The following TSBP1 variants were observed in gnomAD, a reference collection of about 807,000 sequenced individuals.
TSBP1 encodes testis-expressed basic protein 1.
A neutral mutation model predicts 68.8 loss-of-function variants in TSBP1; 56 were observed. The ratio of observed to expected loss-of-function variants is 0.81; its 90% CI spans 0.66 to 1.02. The LOEUF (loss-of-function observed/expected upper bound fraction) is 1.02. Among genes scored for constraint, TSBP1 ranks in the 50% least tolerant of loss-of-function variants. TSBP1 has a pLI of 0.00. For missense variants in TSBP1, 502 were observed against 641.2 expected (o/e 0.78, Z 2.34); for synonymous variants, 171 against 208.7 (o/e 0.82, Z 1.56).
chr6:32,339,143 C>G (rs1446033524), intron 10 of TSBP1, 144 bp from the exon 12 acceptor site: 9 of 709,238 alleles, frequency 1.3e-5, no homozygotes, highest in Non-Finnish European at 2.3e-5. Flanking sequence ...TCCTTTTTTC[C>G]TTAGGAGACT....
At chr6:32,301,747 G>A (rs1029981207) in intron 20 of TSBP1, among the ~76,000 whole-genome samples, 33 of 151,154 alleles carry the variant, frequency 2.2e-4, no homozygotes, top group Non-Finnish European at 4.1e-4. Context: ...AAGAAAGCAT[G>A]AAACTGTAAG....
At chr6:32,327,532 G>T (rs1016116338) in intron 16 of TSBP1, among the ~76,000 whole-genome samples, 2 of 152,122 alleles carry the variant, frequency 1.3e-5, no homozygotes, top group African/African-American at 2.4e-5. Context: ...GCTATAAAGT[G>T]GTAAAGTGAG....
Position 32,316,356 on chromosome 6 carries a change from A to C in TSBP1, c.560-564T>G. 2 of 1,558,720 alleles carry C rather than the reference A, an allele frequency of 1.3e-6. No individual in the cohort carries two copies. Among genetic ancestry groups the C allele is most frequent in the South Asian group, 2.3e-5 (2 of 85,550 alleles). Reference sequence around the variant, plus strand: ...TGACAGAAGTGAAGTGAAGGGGACCAAAGAGAACCAAAGTAGAAAAAGACA... The same window carrying C: ...TGACAGAAGTGAAGTGAAGGGGACCCAAGAGAACCAAAGTAGAAAAAGACA... On this transcript the variant is annotated intron_variant, in intron 18 of 22. Transcript: ENST00000612031. This position sits in a 1 kb window ranked among gnomAD's most constrained non-coding sequence, Gnocchi z 4.5.
Position 32,321,563 on chromosome 6 carries a change from T to A in TSBP1, c.559+1554A>T, listed in dbSNP as rs1015675990. Among the ~76,000 whole-genome samples, 3 of 152,184 alleles carry A rather than the reference T, an allele frequency of 2.0e-5. No homozygotes were observed. The highest frequency in any genetic ancestry group is 7.2e-5 in the African/African-American group (3 of 41,430). On this transcript the variant is annotated intron_variant, in intron 18 of 22. Transcript: ENST00000612031. This position sits in a 1 kb window ranked among gnomAD's most constrained non-coding sequence, Gnocchi z 4.3. ...ATCTCTGGGTCGGAACCATTGTCTC[T>A]GTATTTTTATCTGTGCCGTGAGAAT...
chr6:32,339,589 G>T lies in TSBP1; in HGVS notation c.388+11C>A. 1 of 1,267,354 alleles carries T rather than the reference G, an allele frequency of 7.9e-7. No individual in the cohort carries two copies. Among genetic ancestry groups the T allele is most frequent in the Non-Finnish European group, 1.1e-6 (1 of 877,550 alleles). The allele number at this position is 1,267,354 out of a possible 1,614,324, so 78.5% of individuals were successfully genotyped here. On this transcript the variant is annotated intron_variant, in intron 10 of 22. Transcript: ENST00000612031. ...AAAAAAAGGACTGAGTTGTATATAT[G>T]GGAAACTTACAAGGAGGTTCTTCAG...
chr6:32,329,838 C>A (rs1461324713), intron 16 of TSBP1, among the ~76,000 whole-genome samples: 1 of 152,144 alleles, frequency 6.6e-6, no homozygotes, highest in Admixed American at 6.5e-5. Context: ...CAGAATTTCC[C>A]GTGTCCTGGG....
At position 32,334,601 on chromosome 6, in the gene TSBP1, G is replaced by C. The variant is rs896918177; in HGVS notation, c.472+836C>G. Among the ~76,000 whole-genome samples the C allele has an allele frequency of 2.0e-5, 3 of 152,056 alleles. No homozygotes were observed. The South Asian group carries it at 6.2e-4, about 32-fold the overall frequency. On this transcript the variant is annotated intron_variant, in intron 14 of 22. Coordinates refer to ENST00000612031, the Ensembl canonical transcript of TSBP1. ...ATTGCCATTTGAATGTTGTTTAGATGCAACAAAGTAATGTACGCGAGGGTT... is the reference window on the plus strand; with the variant it reads ...ATTGCCATTTGAATGTTGTTTAGATCCAACAAAGTAATGTACGCGAGGGTT...
intron 7 of TSBP1, 123 bp from the exon 8 acceptor site, chr6:32,355,267 T>C: frequency 1.1e-6 from 1 of 938,592 alleles, no homozygotes; most frequent in Non-Finnish European, 1.7e-6. Context: ...CCGGGAGTCA[T>C]CACTGATCTG....
At position 32,302,571 on chromosome 6, in the gene TSBP1, C is replaced by G. The variant is rs202038933; in HGVS notation, c.601+38G>C. ...AAAAAATTTGCTCACCCCAGCCCTA[C>G]AAGAAACTAATGTAATAAAAATATA... On this transcript the variant is annotated intron_variant, in intron 20 of 22. Coordinates refer to ENST00000612031, the Ensembl canonical transcript of TSBP1. This position sits in a 1 kb window ranked among gnomAD's most constrained non-coding sequence, Gnocchi z 5.1. 2 of 1,403,968 alleles carry G rather than the reference C, an allele frequency of 1.4e-6. No homozygotes were observed. Among genetic ancestry groups the G allele is most frequent in the Non-Finnish European group, 2.0e-6 (2 of 1,007,554 alleles). 87.0% of individuals were successfully genotyped at this position (1,403,968 alleles called of 1,614,324 possible). A position where few individuals can be genotyped will look rare whatever the true frequency, so the allele number is the denominator to read the frequency against.
chr6:32,311,410 G>A (rs1401720692), intron 19 of TSBP1, among the ~76,000 whole-genome samples: 2 of 152,130 alleles, frequency 1.3e-5, no homozygotes, highest in Non-Finnish European at 2.9e-5. Context: ...TGACAAGTAG[G>A]ATCACAAAGC....
chr6:32,303,397 A>C (rs371470617), intron 19 of TSBP1, among the ~76,000 whole-genome samples: 1 of 151,160 alleles, frequency 6.6e-6, no homozygotes, highest in East Asian at 1.9e-4. Flanking sequence ...TGATGCATTG[A>C]TATTTTTATC....
chr6:32,346,371 G>A (rs1231113636), intron 9 of TSBP1, among the ~76,000 whole-genome samples: 1 of 151,232 alleles, frequency 6.6e-6, no homozygotes, highest in Non-Finnish European at 1.5e-5. Flanking sequence ...TCTTAAGGAT[G>A]CTTATTATCA....
At chr6:32,319,087 A>T (rs941845653) in intron 18 of TSBP1, among the ~76,000 whole-genome samples, 5 of 152,182 alleles carry the variant, frequency 3.3e-5, no homozygotes, top group African/African-American at 1.2e-4. Flanking sequence ...CTAGAACCTA[A>T]CATATGCAAA....
intron 6 of TSBP1, among the ~76,000 whole-genome samples, chr6:32,356,671 G>GATAGTGCCACTGCA (rs1467048814): frequency 6.6e-6 from 1 of 151,648 alleles, no homozygotes; most frequent in East Asian, 1.9e-4. Flanking sequence ...AGTAAGCCGA[G>GATAGTGCCACTGCA]ATAGTGCCAC....
intron 9 of TSBP1, among the ~76,000 whole-genome samples, chr6:32,341,939 GA>G (rs1014387932): frequency 4.1e-4 from 62 of 151,214 alleles, no homozygotes; most frequent in Admixed American, 3.5e-3. Flanking sequence ...ACATAGATCA[GA>G]AAAAAAACCC....
intron 19 of TSBP1, among the ~76,000 whole-genome samples, chr6:32,311,015 C>T (rs3864302): frequency 0.25 from 38,391 of 151,874 alleles, 5,230 homozygotes; most frequent in African/African-American, 0.34. Flanking sequence ...TCCAAAAATT[C>T]ATTGCTTAGC....
rs1371938535 is a variant in TSBP1, at chr6:32,321,470, G to A, written c.559+1647C>T. 6.6e-6 allele frequency among the ~76,000 whole-genome samples: 1 copy of A among 152,170 alleles called. No individual in the cohort carries two copies. Among genetic ancestry groups the A allele is most frequent in the African/African-American group, 2.4e-5 (1 of 41,436 alleles). Reference sequence around the variant, plus strand: ...GTAATCCCTTCTCCTGACCTCAGGTGGGCATTGGTCCCTGTGCCCAATTAT... The same window carrying A: ...GTAATCCCTTCTCCTGACCTCAGGTAGGCATTGGTCCCTGTGCCCAATTAT... On this transcript the variant is annotated intron_variant, in intron 18 of 22. Transcript: ENST00000612031. The surrounding 1 kb of genome is among the most constrained non-coding windows in gnomAD (Gnocchi z 4.3).
chr6:32,339,802 T>C (rs1303121674), intron 9 of TSBP1, among the ~76,000 whole-genome samples, 164 bp from the exon 11 acceptor site: 1 of 152,202 alleles, frequency 6.6e-6, no homozygotes, highest in Admixed American at 6.5e-5. Flanking sequence ...TCTGTGATTT[T>C]GGGCAAGTCA....
rs1027022225 is a variant in TSBP1 at position 32,361,052 on chromosome 6, CCA to C, written c.217+5113_217+5114del. Among the ~76,000 whole-genome samples, 3 of 152,056 alleles carry C rather than the reference CCA, an allele frequency of 2.0e-5. No individual in the cohort carries two copies. Among genetic ancestry groups the C allele is most frequent in the African/African-American group, 7.3e-5 (3 of 41,366 alleles). On this transcript the variant is annotated intron_variant, in intron 6 of 22. Transcript: ENST00000612031. This position sits in a 1 kb window ranked among gnomAD's most constrained non-coding sequence, Gnocchi z 4.3. ...TGCTTCCCCCACCCCGCAACAGGCCCCAGTGTGTGATGTTCCCCACCCTGTGT... is the reference window on the plus strand; with the variant it reads ...TGCTTCCCCCACCCCGCAACAGGCCCGTGTGTGATGTTCCCCACCCTGTGT...
Sources: gnomAD v4.1 joint callset for allele counts (sites outside exome capture counted in the v4.1 genomes callset) on GRCh38, gnomAD v4.1.1 for gene constraint, Gnocchi (gnomAD v3.1) non-coding constraint, MANE v1.5 for transcripts, NCBI Gene and HGNC (gene_info 2026-07-23, HGNC 2026-07-21) for gene names.